The following CNTNAP5 variants were observed in gnomAD, a reference collection of about 807,000 sequenced individuals.
The protein encoded by CNTNAP5 is contactin associated protein family member 5.
Under a neutral mutation model 150.2 loss-of-function variants are expected in CNTNAP5, and 72 were observed. The ratio of observed to expected loss-of-function variants is 0.48; its 90% CI spans 0.40 to 0.58. The LOEUF (loss-of-function observed/expected upper bound fraction) is 0.58. Among genes scored for constraint, CNTNAP5 ranks in the 20% least tolerant of loss-of-function variants. CNTNAP5 has a pLI of 0.00. For missense variants in CNTNAP5, 1,636 were observed against 1,626.2 expected (o/e 1.01, Z -0.10); for synonymous variants, 672 against 619.8 (o/e 1.08, Z -1.25).
At chr2:124,151,447 G>A (rs1206691792) in intron 1 of CNTNAP5, among the ~76,000 whole-genome samples, 1 of 152,148 alleles carries the variant, frequency 6.6e-6, no homozygotes, top group Admixed American at 6.5e-5. Context: ...TTGGAAGTCG[G>A]ATGAACCAGG....
intron 3 of CNTNAP5, among the ~76,000 whole-genome samples, chr2:124,263,485 T>C (rs543300537): frequency 6.6e-6 from 1 of 152,196 alleles, no homozygotes; most frequent in African/African-American, 2.4e-5. Context: ...TTTGCCCACT[T>C]TTTGATGGGA....
At chr2:124,600,743 G>A (rs1696967376) in intron 11 of CNTNAP5, among the ~76,000 whole-genome samples, 1 of 119,264 alleles carries the variant, frequency 8.4e-6, no homozygotes, top group South Asian at 3.2e-4. Flanking sequence ...GAGAGAGAGA[G>A]AGAGAGAGAG....
intron 3 of CNTNAP5, among the ~76,000 whole-genome samples, chr2:124,408,102 G>A (rs557031619): frequency 2.7e-5 from 4 of 150,918 alleles, no homozygotes; most frequent in African/African-American, 4.9e-5. Context: ...TTCCCTTTCC[G>A]AGTCAAAGAA....
chr2:124,859,022 C>T (rs1262270755), intron 19 of CNTNAP5, among the ~76,000 whole-genome samples: 1 of 151,708 alleles, frequency 6.6e-6, no homozygotes, highest in Non-Finnish European at 1.5e-5. Context: ...TCTAAAACAC[C>T]AAAAGCAATG....
intron 11 of CNTNAP5, among the ~76,000 whole-genome samples, chr2:124,570,136 C>G (rs1480403811): frequency 6.6e-6 from 1 of 152,146 alleles, no homozygotes; most frequent in Non-Finnish European, 1.5e-5. Context: ...AGCCTCTGAT[C>G]TAATCCCTGA....
intron 10 of CNTNAP5, among the ~76,000 whole-genome samples, chr2:124,544,786 G>T (rs112422212): frequency 3.3e-5 from 5 of 152,258 alleles, no homozygotes; most frequent in South Asian, 4.2e-4. Flanking sequence ...GCAGCGGACT[G>T]CACCAGAGGT....
intron 1 of CNTNAP5, among the ~76,000 whole-genome samples, chr2:124,189,755 C>T (rs995610965): frequency 2.6e-5 from 4 of 152,184 alleles, no homozygotes; most frequent in African/African-American, 9.7e-5. Context: ...GCATCTATTA[C>T]TATAGATTCC....
At chr2:124,287,109 C>T (rs1688174325) in intron 3 of CNTNAP5, among the ~76,000 whole-genome samples, 2 of 152,180 alleles carry the variant, frequency 1.3e-5, no homozygotes, top group African/African-American at 4.8e-5. Flanking sequence ...AGGTCAATAG[C>T]ATATCTTGAT....
chr2:124,109,520 C>G (rs75040339), intron 1 of CNTNAP5, among the ~76,000 whole-genome samples: 2 of 152,162 alleles, frequency 1.3e-5, no homozygotes, highest in African/African-American at 2.4e-5. Context: ...AGATAACAAG[C>G]GTATCCTGGA....
At position 124,057,448 on chromosome 2, in the gene CNTNAP5, A is replaced by ATTTTTTTTTTTTTT. The variant is rs556571236; in HGVS notation, c.82+31726_82+31739dup. Among the ~76,000 whole-genome samples the ATTTTTTTTTTTTTT allele has an allele frequency of 1.4e-4, 9 of 62,788 alleles. 2 individuals carry two copies. Among genetic ancestry groups the ATTTTTTTTTTTTTT allele is most frequent in the African/African-American group, 4.7e-4 (6 of 12,744 alleles). 41.2% of individuals were successfully genotyped at this position (62,788 alleles called of 152,430 possible). A position where few individuals can be genotyped will look rare whatever the true frequency, so the allele number is the denominator to read the frequency against. ...AGGCACCCACCAGCACGGCCAGCTA[A>ATTTTTTTTTTTTTT]TTTTTTTTTTTTTTTTTTTTTTTAG... On this transcript the variant is annotated intron_variant, in intron 1 of 23. Transcript: ENST00000682447.
chr2:124,474,423 T>G (rs1053397805), intron 6 of CNTNAP5, among the ~76,000 whole-genome samples: 6 of 152,098 alleles, frequency 3.9e-5, no homozygotes, highest in Non-Finnish European at 8.8e-5. Context: ...GGATAAGAGA[T>G]AATTATAAAG....
At chr2:124,757,658 C>A (rs1176167578) in intron 14 of CNTNAP5, among the ~76,000 whole-genome samples, 1 of 152,114 alleles carries the variant, frequency 6.6e-6, no homozygotes, top group Non-Finnish European at 1.5e-5. Context: ...GGAAATGTCA[C>A]AATATTTTCC....
intron 19 of CNTNAP5, among the ~76,000 whole-genome samples, chr2:124,854,618 A>G (rs1677310590): frequency 6.6e-6 from 1 of 152,236 alleles, no homozygotes; most frequent in Admixed American, 6.5e-5. Flanking sequence ...ATGTTAGTTT[A>G]TAATTTGGGG....
intron 13 of CNTNAP5, among the ~76,000 whole-genome samples, chr2:124,709,904 T>C (rs1286819647): frequency 6.6e-6 from 1 of 152,184 alleles, no homozygotes; most frequent in Non-Finnish European, 1.5e-5. Context: ...GAAAATAATA[T>C]AGTAGCTTCT....
intron 3 of CNTNAP5, among the ~76,000 whole-genome samples, chr2:124,264,121 A>C (rs1160873376): frequency 6.6e-6 from 1 of 152,214 alleles, no homozygotes; most frequent in East Asian, 1.9e-4. Context: ...CAATCCCTAC[A>C]TGTCAGAGAA....
At position 124,724,328 on chromosome 2, in the gene CNTNAP5, G is replaced by A. The variant is rs534627542; in HGVS notation, c.2078-22901G>A. 2.8e-4 allele frequency among the ~76,000 whole-genome samples: 43 copies of A among 152,078 alleles called. No individual in the cohort carries two copies. The South Asian group carries it at 8.5e-3, about 30-fold the overall frequency. On this transcript the variant is annotated intron_variant, in intron 13 of 23. Transcript: ENST00000682447. ...GGATACAGATTAAGAGATGTGTAGGGTGAAGTACAGGTGAAGGACCATGGA... is the reference window on the plus strand; with the variant it reads ...GGATACAGATTAAGAGATGTGTAGGATGAAGTACAGGTGAAGGACCATGGA...
chr2:124,042,098 T>C (rs541446974), intron 1 of CNTNAP5, among the ~76,000 whole-genome samples: 1 of 152,244 alleles, frequency 6.6e-6, no homozygotes, highest in East Asian at 1.9e-4. Context: ...TGACATTAGG[T>C]GACCCACCTG....
At chr2:124,616,679 A>G (rs1035790895) in intron 12 of CNTNAP5, among the ~76,000 whole-genome samples, 3 of 152,176 alleles carry the variant, frequency 2.0e-5, no homozygotes, top group African/African-American at 7.2e-5. Flanking sequence ...CACCTTCCTC[A>G]TTAAGGTTAA....
intron 9 of CNTNAP5, among the ~76,000 whole-genome samples, chr2:124,526,998 A>G (rs915616947): frequency 2.6e-5 from 4 of 152,194 alleles, no homozygotes; most frequent in Non-Finnish European, 5.9e-5. Flanking sequence ...AAAGAATAGC[A>G]AATAGTTTAC....
Sources: allele counts gnomAD v4.1 joint callset (sites outside exome capture counted in the v4.1 genomes callset), GRCh38; gene constraint gnomAD v4.1.1; transcripts MANE v1.5; gene names NCBI Gene and HGNC (gene_info 2026-07-23, HGNC 2026-07-21).